MIB1: variants seen among roughly 807,000 people sequenced by gnomAD.
The protein encoded by MIB1 is MIB E3 ubiquitin protein ligase 1.
In MIB1, 278 loss-of-function variants were observed where a neutral mutation model predicts 124.5. The ratio of observed to expected loss-of-function variants is 2.23; its 90% CI spans 2.02 to 2.47. The LOEUF (loss-of-function observed/expected upper bound fraction) is 2.47. MIB1 is among the 30% of genes most tolerant of loss of function. The pLI is 0.00. For missense variants in MIB1, 957 were observed against 1,254.4 expected (o/e 0.76, Z 3.58); for synonymous variants, 446 against 429.4 (o/e 1.04, Z -0.48).
intron 1 of MIB1, among the ~76,000 whole-genome samples, chr18:21,757,013 C>T (rs2041039930): frequency 6.6e-6 from 1 of 152,126 alleles, no homozygotes; most frequent in African/African-American, 2.4e-5. Context: ...GTGACACATT[C>T]ACAGACATTT....
At chr18:21,831,812 A>G (rs976712615) in intron 12 of MIB1, among the ~76,000 whole-genome samples, 1 of 152,194 alleles carries the variant, frequency 6.6e-6, no homozygotes, top group African/African-American at 2.4e-5. Context: ...AAGAGGAAAA[A>G]AATTACCATG....
chr18:21,821,121 A>G (rs912126570), intron 12 of MIB1, among the ~76,000 whole-genome samples: 3 of 152,134 alleles, frequency 2.0e-5, no homozygotes, highest in Non-Finnish European at 4.4e-5. Context: ...TGCTGACCCA[A>G]TTAAGTACTC....
intron 10 of MIB1, among the ~76,000 whole-genome samples, chr18:21,808,176 A>T (rs1032565669): frequency 6.6e-6 from 1 of 152,200 alleles, no homozygotes; most frequent in African/African-American, 2.4e-5. Context: ...AGTTAGCAGA[A>T]GAATAAAGGA....
Position 21,741,943 on chromosome 18 carries a change from A to G in MIB1, c.229+131A>G. The G allele has an allele frequency of 1.3e-6, 1 of 787,124 alleles. No homozygotes were observed. Among genetic ancestry groups the G allele is most frequent in the Admixed American group, 3.1e-5 (1 of 32,248 alleles). The allele number at this position is 787,124 out of a possible 1,614,324, so 48.8% of individuals were successfully genotyped here. On this transcript the variant is annotated intron_variant, in intron 1 of 20. Transcript: ENST00000261537. The surrounding 1 kb of genome is among the most constrained non-coding windows in gnomAD (Gnocchi z 5.4). Reference sequence around the variant, plus strand: ...GCAGCGCCCGGCTGGAGCGAGCGGAAAGGCAAAGCGCCAAAGGAATTCTAG... The same window carrying G: ...GCAGCGCCCGGCTGGAGCGAGCGGAGAGGCAAAGCGCCAAAGGAATTCTAG...
chr18:21,864,509 G>T lies in MIB1; in HGVS notation c.2881-17G>T, dbSNP rs2042304872. The T allele has an allele frequency of 5.0e-6, 8 of 1,592,302 alleles. No individual in the cohort carries two copies. Among genetic ancestry groups the T allele is most frequent in the Non-Finnish European group, 6.0e-6 (7 of 1,162,662 alleles). ...TATAAAGTGTCTAATTTATTACTTT[G>T]TTATCTCACATTACAGACAATGTGC... On this transcript the variant is annotated splice_polypyrimidine_tract_variant and intron_variant, in intron 20 of 20. Coordinates refer to ENST00000261537, the MANE Select transcript of MIB1 (RefSeq NM_020774.4).
rs763626589 is a variant in MIB1, at chr18:21,849,218, C to T, written c.2416C>T (p.Pro806Ser). ...KVSGQVGSRSPSMISNDSETL... is the reference protein window; with the variant it reads ...KVSGQVGSRSSSMISNDSETL... ...TAGTGGTCAAGTGGGTTCTCGGAGTCCTTCTATGATTAGTAATGATTCTGA... is the reference window on the plus strand; with the variant it reads ...TAGTGGTCAAGTGGGTTCTCGGAGTTCTTCTATGATTAGTAATGATTCTGA... Residue 806 changes from proline (P) to serine (S), a missense_variant, in exon 17 of 21, where the codon CCT becomes TCT. Physicochemically the swap from Pro to Ser is moderately conservative, Grantham distance 74. Coordinates refer to ENST00000261537, the MANE Select transcript of MIB1 (RefSeq NM_020774.4). 1 of 1,569,774 alleles carries T rather than the reference C, an allele frequency of 6.4e-7. No homozygotes were observed. Among genetic ancestry groups the T allele is most frequent in the Non-Finnish European group, 8.6e-7 (1 of 1,159,376 alleles).
intron 1 of MIB1, among the ~76,000 whole-genome samples, chr18:21,728,150 G>A (rs1297847930): frequency 6.6e-6 from 1 of 152,120 alleles, no homozygotes; most frequent in Admixed American, 6.5e-5. Context: ...CCTGCCCTTG[G>A]CTCTCTCTTA....
intron 13 of MIB1, among the ~76,000 whole-genome samples, chr18:21,839,675 A>AT (rs1270120016): frequency 7.3e-5 from 11 of 151,554 alleles, no homozygotes; most frequent in South Asian, 2.1e-4. Flanking sequence ...TTATTTATTT[A>AT]TTTTTTCTGT....
intron 20 of MIB1, 103 bp from the exon 21 acceptor site, chr18:21,864,423 A>G: frequency 3.2e-6 from 3 of 930,854 alleles, no homozygotes; most frequent in East Asian, 2.5e-5. Context: ...CCACCAAAAT[A>G]TTATTTGACT....
rs577472448 is a variant in MIB1 at position 21,806,215 on chromosome 18, T to C, written c.1479+2201T>C. On this transcript the variant is annotated intron_variant, in intron 10 of 20. Transcript: ENST00000261537. ...CCCATGCCTGGCCAGATTTTTTTTT[T>C]TTTTTTGATACAGGGTCTTGCTCTG... is the stretch of plus-strand genomic sequence containing the variant. Among the ~76,000 whole-genome samples the C allele has an allele frequency of 5.3e-5, 8 of 151,910 alleles. No individual in the cohort carries two copies. In the South Asian group the frequency reaches 1.0e-3, roughly 20 times the overall value.
chr18:21,710,931 A>G (rs1336606034), intron 1 of MIB1, among the ~76,000 whole-genome samples: 1 of 150,676 alleles, frequency 6.6e-6, no homozygotes, highest in Non-Finnish European at 1.5e-5. Context: ...GGTTCGAGCA[A>G]TTCTCCTGCA....
At chr18:21,724,747 T>C (rs1189544305) in intron 1 of MIB1, among the ~76,000 whole-genome samples, 1 of 90,784 alleles carries the variant, frequency 1.1e-5, no homozygotes, top group Non-Finnish European at 2.2e-5. Context: ...TATATATATA[T>C]ATATATATAT....
intron 1 of MIB1, among the ~76,000 whole-genome samples, chr18:21,760,544 T>C (rs976863791): frequency 3.9e-5 from 6 of 152,254 alleles, no homozygotes; most frequent in Non-Finnish European, 7.3e-5. Flanking sequence ...CATTTGGATG[T>C]GCTTTTGTGT....
chr18:21,812,373 T>TA, intron 10 of MIB1: 1 of 152,342 alleles, frequency 6.6e-6, no homozygotes, highest in Admixed American at 6.5e-5. Context: ...GGTTTAAACA[T>TA]AAAATTTGTG....
In MIB1 at chr18:21,765,816, C is replaced by G; in HGVS notation, c.274C>G (p.Pro92Ala). ...CATGTGTGATACCTGCCGCCAGCAA[C>G]CAATCATTGGCATTCGATGGAAGTG... is the stretch of plus-strand genomic sequence containing the variant. ...GTMCDTCRQQ[P>A]IIGIRWKCAE... The change falls in exon 2 of 21, where the codon CCA (proline) becomes GCA (alanine). Residue 92 changes from proline (P) to alanine (A), a missense_variant. Pro to Ala is a conservative substitution (Grantham distance 27, BLOSUM62 -1). Coordinates refer to ENST00000261537, the MANE Select transcript of MIB1 (RefSeq NM_020774.4). The G allele has an allele frequency of 6.2e-7, 1 of 1,614,102 alleles. No homozygotes were observed. The highest frequency in any genetic ancestry group is 8.5e-7 in the Non-Finnish European group (1 of 1,180,006).
In MIB1 at chr18:21,820,711, G is replaced by A. The variant is rs192806490; in HGVS notation, c.1829+1065G>A. Among the ~76,000 whole-genome samples, 370 of 152,310 alleles carry A rather than the reference G, an allele frequency of 2.4e-3. 2 individuals carry two copies. The highest frequency in any genetic ancestry group is 8.6e-3 in the African/African-American group (359 of 41,564). Reference sequence around the variant, plus strand: ...CTTTCCACATGCCAGCCTCTGCAAAGTGCTTCACATGCATCATCTCACTTA... The same window carrying A: ...CTTTCCACATGCCAGCCTCTGCAAAATGCTTCACATGCATCATCTCACTTA... On this transcript the variant is annotated intron_variant, in intron 12 of 20. Coordinates refer to ENST00000261537, the MANE Select transcript of MIB1 (RefSeq NM_020774.4).
chr18:21,720,834 A>G (rs1211593357), intron 1 of MIB1, among the ~76,000 whole-genome samples: 1 of 152,168 alleles, frequency 6.6e-6, no homozygotes. Flanking sequence ...GTGCACCTGT[A>G]GTCTTAGCTA....
intron 1 of MIB1, chr18:21,724,341 A>ATGTT (rs2040727987): frequency 6.6e-6 from 1 of 152,166 alleles, no homozygotes; most frequent in African/African-American, 2.4e-5. Flanking sequence ...ACTTGAAGAG[A>ATGTT]ATGCCAAAAC....
intron 1 of MIB1, among the ~76,000 whole-genome samples, chr18:21,761,006 G>A (rs2041091520): frequency 6.6e-6 from 1 of 152,046 alleles, no homozygotes; most frequent in Non-Finnish European, 1.5e-5. Context: ...ATTAATTGTG[G>A]TATTTTTTGT....
Sources: gnomAD v4.1 joint callset for allele counts (sites outside exome capture counted in the v4.1 genomes callset) on GRCh38, gnomAD v4.1.1 for gene constraint, Gnocchi (gnomAD v3.1) non-coding constraint, MANE v1.5 for transcripts, NCBI Gene and HGNC (gene_info 2026-07-23, HGNC 2026-07-21) for gene names.